SHQ1: variants seen among roughly 807,000 people sequenced by gnomAD.
SHQ1 encodes SHQ1, H/ACA ribonucleoprotein assembly factor.
SHQ1 carries 49 observed loss-of-function variants against 53.8 expected under a neutral mutation model. The observed-to-expected ratio is 0.91, with a 90% confidence interval of 0.72 to 1.16. The LOEUF (loss-of-function observed/expected upper bound fraction) is 1.16, where lower values mean the gene tolerates loss of function less well. Ranked by LOEUF, SHQ1 falls within the 50% of genes most tolerant of loss-of-function variation. SHQ1 has a pLI of 0.00. For missense variants in SHQ1, 738 were observed against 683.1 expected, an observed-to-expected ratio of 1.08 and a Z score of -0.90; for synonymous variants, 243 against 251.0, an observed-to-expected ratio of 0.97 and a Z score of 0.30.
intron 10 of SHQ1, among the ~76,000 whole-genome samples, chr3:72,788,501 G>C (rs1052369905): frequency 9.9e-5 from 15 of 152,062 alleles, no homozygotes; most frequent in Non-Finnish European, 1.3e-4. Context: ...CGGGAGGTAG[G>C]GGGGGCGCCT....
chr3:72,825,446 TTTA>T (rs1311692569), intron 5 of SHQ1, among the ~76,000 whole-genome samples: 1 of 151,970 alleles, frequency 6.6e-6, no homozygotes, highest in Non-Finnish European at 1.5e-5. Flanking sequence ...TAAAATCTAT[TTTA>T]TTAAGATACT....
chr3:72,761,212 C>T (rs994142401), intron 10 of SHQ1, among the ~76,000 whole-genome samples: 3 of 152,006 alleles, frequency 2.0e-5, no homozygotes, highest in Non-Finnish European at 4.4e-5. Flanking sequence ...TGTTCCATCG[C>T]CCAGGCTGGA....
chr3:72,836,020 T>A (rs973152078), intron 4 of SHQ1, among the ~76,000 whole-genome samples: 1 of 152,238 alleles, frequency 6.6e-6, no homozygotes, highest in South Asian at 2.1e-4. Flanking sequence ...TCTTCTTCAC[T>A]GTATCCCCAT....
chr3:72,809,964 A>G (rs75723944), intron 9 of SHQ1: 1 of 139,380 alleles, frequency 7.2e-6, no homozygotes. Flanking sequence ...TGTCCAAAGG[A>G]AAAAAAAAAA....
chr3:72,784,580 T>G (rs1312145941), intron 10 of SHQ1, among the ~76,000 whole-genome samples: 1 of 152,230 alleles, frequency 6.6e-6, no homozygotes, highest in Non-Finnish European at 1.5e-5. Context: ...CAACTTGACA[T>G]GCCAGAATAA....
intron 10 of SHQ1, among the ~76,000 whole-genome samples, chr3:72,790,310 A>G: frequency 6.6e-6 from 1 of 152,232 alleles, no homozygotes; most frequent in East Asian, 1.9e-4. Context: ...TGACTTTGCT[A>G]CCTACGTTTC....
chr3:72,728,675 T>G, the SHQ1 span, among the ~76,000 whole-genome samples: 1 of 152,190 alleles, frequency 6.6e-6, no homozygotes, highest in Non-Finnish European at 1.5e-5. Context: ...GGTAAAGTAT[T>G]TCACCTGTCT....
chr3:72,792,899 A>C lies in SHQ1; in HGVS notation c.1181+17T>G. 6.2e-7 allele frequency: 1 copy of C among 1,606,042 alleles called. No homozygotes were observed. The highest frequency in any genetic ancestry group is 8.5e-7 in the Non-Finnish European group (1 of 1,178,124). ...GTGAACATCTAAAAATTCGTAAGTA[A>C]CTCTATGAAAACTTACTTGACTTTC... On this transcript the variant is annotated intron_variant, in intron 10 of 10. Coordinates refer to ENST00000325599, the MANE Select transcript of SHQ1 (RefSeq NM_018130.3).
intron 9 of SHQ1, among the ~76,000 whole-genome samples, chr3:72,797,071 A>G (rs1706648787): frequency 6.6e-6 from 1 of 151,996 alleles, no homozygotes; most frequent in South Asian, 2.1e-4. Context: ...CAGCCTGGCC[A>G]ACATGGTGAA....
At chr3:72,772,525 GT>G in intron 10 of SHQ1, 1 of 634,214 alleles carries the variant, frequency 1.6e-6, no homozygotes, top group Middle Eastern at 2.7e-4. Flanking sequence ...ATGACAAGTC[GT>G]ACACAACCTA....
chr3:72,784,177 GAAC>G (rs753503618), intron 10 of SHQ1, among the ~76,000 whole-genome samples: 2 of 134,892 alleles, frequency 1.5e-5, no homozygotes, highest in South Asian at 2.4e-4. Context: ...AAAAAAAAAA[GAAC>G]AACAAAAATA....
At chr3:72,794,005 T>G (rs1185611934) in intron 9 of SHQ1, 6 of 152,080 alleles carry the variant, frequency 3.9e-5, no homozygotes, top group Non-Finnish European at 8.8e-5. Context: ...ATTCCCTAGG[T>G]GTTCCAAACT....
intron 10 of SHQ1, among the ~76,000 whole-genome samples, chr3:72,783,496 T>C (rs1434275074): frequency 1.3e-5 from 2 of 151,986 alleles, no homozygotes; most frequent in Non-Finnish European, 2.9e-5. Flanking sequence ...TTTTGCTTTG[T>C]TGAGACACGG....
At chr3:72,797,263 AAAAT>A (rs1463209525) in intron 9 of SHQ1, among the ~76,000 whole-genome samples, 2 of 152,164 alleles carry the variant, frequency 1.3e-5, no homozygotes, top group Admixed American at 6.5e-5. Context: ...TCCATCTCAA[AAAAT>A]AAATAAATAA....
At chr3:72,842,046 C>T (rs1206228345) in intron 3 of SHQ1, among the ~76,000 whole-genome samples, 3 of 152,146 alleles carry the variant, frequency 2.0e-5, no homozygotes, top group Admixed American at 1.3e-4. Context: ...ATTTTGCCAA[C>T]CACAAAATGT....
intron 9 of SHQ1, among the ~76,000 whole-genome samples, chr3:72,798,923 T>C (rs1706706909): frequency 6.6e-6 from 1 of 152,224 alleles, no homozygotes; most frequent in African/African-American, 2.4e-5. Flanking sequence ...GTATCTATTC[T>C]GCCCTTTGAA....
chr3:72,732,654 C>A, the SHQ1 span, among the ~76,000 whole-genome samples: 13 of 151,580 alleles, frequency 8.6e-5, no homozygotes, highest in Non-Finnish European at 1.8e-4. Context: ...CACAGTGGGA[C>A]TTGTATTGTC....
At chr3:72,798,819 G>A (rs1009407514) in intron 9 of SHQ1, among the ~76,000 whole-genome samples, 17 of 152,158 alleles carry the variant, frequency 1.1e-4, no homozygotes, top group Non-Finnish European at 1.6e-4. Context: ...AGCCAGCATC[G>A]GAAAAACAAT....
intron 10 of SHQ1, among the ~76,000 whole-genome samples, chr3:72,777,832 A>G (rs1044285856): frequency 3.3e-5 from 5 of 152,228 alleles, no homozygotes; most frequent in Non-Finnish European, 7.3e-5. Context: ...CAGACAGACA[A>G]ACAGCACTAT....
Sources: gnomAD v4.1 joint callset for allele counts (sites outside exome capture counted in the v4.1 genomes callset) on GRCh38, gnomAD v4.1.1 for gene constraint, MANE v1.5 for transcripts, NCBI Gene and HGNC (gene_info 2026-07-23, HGNC 2026-07-21) for gene names.